ASAP1: variants seen among roughly 807,000 people sequenced by gnomAD.
ASAP1 encodes ArfGAP with SH3 domain, ankyrin repeat and PH domain 1.
ASAP1 carries 43 observed loss-of-function variants against 145.2 expected under a neutral mutation model. The observed-to-expected ratio is 0.30, with a 90% confidence interval of 0.23 to 0.38. The LOEUF (loss-of-function observed/expected upper bound fraction) is 0.38, where lower values mean the gene tolerates loss of function less well. Among genes scored for constraint, ASAP1 ranks in the 10% least tolerant of loss-of-function variants. ASAP1 has a pLI of 1.00. For missense variants in ASAP1, 1,018 were observed against 1,355.3 expected (o/e 0.75, Z 3.91); for synonymous variants, 546 against 515.5 (o/e 1.06, Z -0.80).
At position 130,124,115 on chromosome 8, in the gene ASAP1, A is replaced by G; in HGVS notation, c.1516-11T>C. 6.4e-7 allele frequency: 1 copy of G among 1,572,314 alleles called. No homozygotes were observed. The highest frequency in any genetic ancestry group is 8.6e-7 in the Non-Finnish European group (1 of 1,156,078). On this transcript the variant is annotated splice_polypyrimidine_tract_variant and intron_variant, in intron 17 of 29. Transcript: ENST00000518721. ...TACATTCTTGGCCAGCTGTAACAGA[A>G]AAAACAAACAACCACAATATAGCAA...
rs566079296 is a variant in ASAP1, at chr8:130,337,529, T to C, written c.186+20488A>G. On this transcript the variant is annotated intron_variant, in intron 3 of 29. Coordinates refer to ENST00000518721, the MANE Select transcript of ASAP1 (RefSeq NM_018482.4). ...CTCTCCAAATAATCAAATCCTAACA[T>C]GTCCATGATAATTAACAGAAAAAAA... 4.6e-5 allele frequency among the ~76,000 whole-genome samples: 7 copies of C among 152,304 alleles called. 1 individual carries two copies. In the South Asian group the frequency reaches 1.4e-3, roughly 32 times the overall value.
At chr8:130,204,368 G>C (rs1038805628) in intron 5 of ASAP1, among the ~76,000 whole-genome samples, 2 of 152,184 alleles carry the variant, frequency 1.3e-5, no homozygotes, top group Non-Finnish European at 1.5e-5. Flanking sequence ...CCCTAGAGCA[G>C]ACCACCTGGG....
intron 13 of ASAP1, among the ~76,000 whole-genome samples, chr8:130,139,147 T>C (rs190723181): frequency 8.5e-5 from 13 of 152,188 alleles, no homozygotes; most frequent in Non-Finnish European, 1.3e-4. Flanking sequence ...AAGAGATGAT[T>C]GAAAGGGTGG....
intron 1 of ASAP1, among the ~76,000 whole-genome samples, chr8:130,435,897 C>G (rs921854302): frequency 1.3e-5 from 2 of 152,142 alleles, no homozygotes; most frequent in African/African-American, 4.8e-5. Flanking sequence ...CCCAGAAGCT[C>G]CCATAGAAAC....
At chr8:130,128,629 AT>A (rs1329357583) in intron 15 of ASAP1, among the ~76,000 whole-genome samples, 2 of 152,228 alleles carry the variant, frequency 1.3e-5, no homozygotes, top group African/African-American at 2.4e-5. Context: ...AAAAAGGCAT[AT>A]TAACATGGAA....
intron 3 of ASAP1, among the ~76,000 whole-genome samples, chr8:130,280,985 T>C (rs1469308117): frequency 2.0e-5 from 3 of 152,132 alleles, no homozygotes; most frequent in African/African-American, 7.2e-5. Flanking sequence ...CCAAATAACA[T>C]GTAACAACCA....
chr8:130,120,007 T>C (rs928812850), intron 18 of ASAP1, among the ~76,000 whole-genome samples: 1 of 152,232 alleles, frequency 6.6e-6, no homozygotes, highest in African/African-American at 2.4e-5. Flanking sequence ...TTTAACACTG[T>C]GCTGGTACCT....
At chr8:130,153,353 A>G (rs1186278504) in intron 12 of ASAP1, among the ~76,000 whole-genome samples, 22 of 48,548 alleles carry the variant, frequency 4.5e-4, no homozygotes, top group Non-Finnish European at 5.4e-4. Flanking sequence ...ATATATATAT[A>G]TATATGTATA....
chr8:130,158,312 C>T (rs1309561557), intron 12 of ASAP1, among the ~76,000 whole-genome samples: 1 of 150,088 alleles, frequency 6.7e-6, no homozygotes, highest in Non-Finnish European at 1.5e-5. Flanking sequence ...GAGTTCAAGA[C>T]CAGCCTGGGC....
At chr8:130,405,867 G>C (rs942914228) in intron 1 of ASAP1, among the ~76,000 whole-genome samples, 27 of 152,096 alleles carry the variant, frequency 1.8e-4, no homozygotes, top group African/African-American at 6.0e-4. Context: ...AAGTAATCTA[G>C]GTTCATCAGA....
rs1334402695 is a variant in ASAP1, at chr8:130,358,529, G to A, written c.60-386C>T. ...GGCCGCTGGGGCGTGCGCGGGCTGG[G>A]CGGCTGGGGCGCCCGGCGCTGCCTC... is the stretch of plus-strand genomic sequence containing the variant. On this transcript the variant is annotated intron_variant, in intron 2 of 29. Coordinates refer to ENST00000518721, the MANE Select transcript of ASAP1 (RefSeq NM_018482.4). The surrounding 1 kb of genome is among the most constrained non-coding windows in gnomAD (Gnocchi z 4.1). Among the ~76,000 whole-genome samples the A allele has an allele frequency of 6.8e-6, 1 of 147,692 alleles. No individual in the cohort carries two copies. The highest frequency in any genetic ancestry group is 1.5e-5 in the Non-Finnish European group (1 of 66,268).
chr8:130,127,888 G>C (rs775301885), intron 16 of ASAP1, 39 bp downstream of exon 16: 4 of 1,605,742 alleles, frequency 2.5e-6, no homozygotes, highest in East Asian at 2.2e-5. Context: ...GGAAGAGAAA[G>C]GATGTTGTAA....
At chr8:130,297,805 G>C (rs1822379254) in intron 3 of ASAP1, among the ~76,000 whole-genome samples, 1 of 152,184 alleles carries the variant, frequency 6.6e-6, no homozygotes. Context: ...TTAAAGGAAG[G>C]GTGCACCCAA....
intron 9 of ASAP1, among the ~76,000 whole-genome samples, chr8:130,176,798 C>G (rs1412729955): frequency 2.0e-5 from 3 of 151,674 alleles, no homozygotes; most frequent in Non-Finnish European, 4.4e-5. Flanking sequence ...TCAAGCGATT[C>G]TCCTGCCTCA....
At chr8:130,120,339 A>G (rs1256344596) in intron 18 of ASAP1, among the ~76,000 whole-genome samples, 1 of 152,236 alleles carries the variant, frequency 6.6e-6, no homozygotes, top group Non-Finnish European at 1.5e-5. Context: ...TTAAAAATTA[A>G]ATCGCTCGAT....
At position 130,134,287 on chromosome 8, in the gene ASAP1, A is replaced by T; in HGVS notation, c.1217+9T>A. 6.4e-7 allele frequency: 1 copy of T among 1,572,016 alleles called. No individual in the cohort carries two copies. The highest frequency in any genetic ancestry group is 8.6e-7 in the Non-Finnish European group (1 of 1,158,016). On this transcript the variant is annotated intron_variant, in intron 15 of 29. Coordinates refer to ENST00000518721, the MANE Select transcript of ASAP1 (RefSeq NM_018482.4). ...CAAGGCATCGCACCTTTATTTCAAA[A>T]CTACTTACGCTACATAATCCTGCTC...
chr8:130,425,974 A>G (rs773837969), intron 1 of ASAP1, among the ~76,000 whole-genome samples: 1 of 152,188 alleles, frequency 6.6e-6, no homozygotes, highest in Non-Finnish European at 1.5e-5. Flanking sequence ...CACTCTCACC[A>G]GCATTAAGCA....
At position 130,112,198 on chromosome 8, in the gene ASAP1, G is replaced by C. The variant is rs1259151906; in HGVS notation, c.2297C>G (p.Ser766Cys). ...FSTPRDKQRL[S>C]YGAFTNQIFV... ...GATCTGGTTGGTGAAGGCTCCATAGGAGAGCCGCTGTTTGTCCCTTGGAGT... is the reference window on the plus strand; with the variant it reads ...GATCTGGTTGGTGAAGGCTCCATAGCAGAGCCGCTGTTTGTCCCTTGGAGT... Residue 766 changes from serine (S) to cysteine (C), a missense_variant, in exon 24 of 30, where the codon TCC becomes TGC. This residue lies in a region of ASAP1 where 353 missense variants were observed against 375.4 expected (regional missense o/e 0.94). Transcript: ENST00000518721. 6.2e-7 allele frequency: 1 copy of C among 1,614,178 alleles called. No individual in the cohort carries two copies. The highest frequency in any genetic ancestry group is 8.5e-7 in the Non-Finnish European group (1 of 1,180,030).
chr8:130,211,142 A>G (rs955887709), intron 5 of ASAP1, among the ~76,000 whole-genome samples: 2 of 152,208 alleles, frequency 1.3e-5, no homozygotes. Flanking sequence ...CCTATGTTAC[A>G]AGGTAGAAAA....
Sources: allele counts gnomAD v4.1 joint callset (sites outside exome capture counted in the v4.1 genomes callset), GRCh38; gene constraint gnomAD v4.1.1; regional missense constraint gnomAD v4.1.1; non-coding constraint Gnocchi (gnomAD v3.1); transcripts MANE v1.5; gene names NCBI Gene and HGNC (gene_info 2026-07-23, HGNC 2026-07-21).